Variants in DENND5B observed in about 807,000 individuals in gnomAD.
The protein encoded by DENND5B is DENN domain containing 5B.
A neutral mutation model predicts 140.6 loss-of-function variants in DENND5B; 34 were observed. The observed-to-expected ratio is 0.24, with a 90% confidence interval of 0.18 to 0.32. The LOEUF is 0.32. Ranked by LOEUF, DENND5B falls within the 10% of genes least tolerant of loss-of-function variation. DENND5B has a pLI of 1.00. For missense variants in DENND5B, 1,142 were observed against 1,560.2 expected, an observed-to-expected ratio of 0.73 and a Z score of 4.52; for synonymous variants, 551 against 562.1, an observed-to-expected ratio of 0.98 and a Z score of 0.28.
At chr12:31,454,853 C>CTGT (rs1944700729) in intron 4 of DENND5B, among the ~76,000 whole-genome samples, 1 of 120,198 alleles carries the variant, frequency 8.3e-6, no homozygotes, top group South Asian at 2.9e-4. Context: ...GAGTCTTGCT[C>CTGT]TGTTGCCCAG....
chr12:31,579,966 T>C (rs879639506), intron 1 of DENND5B, among the ~76,000 whole-genome samples: 3 of 144,218 alleles, frequency 2.1e-5, no homozygotes, highest in African/African-American at 7.5e-5. Flanking sequence ...CAGAAAAAAA[T>C]ATATATAAAA....
intron 2 of DENND5B, among the ~76,000 whole-genome samples, chr12:31,494,142 A>T (rs543665411): frequency 3.8e-5 from 3 of 78,922 alleles, no homozygotes; most frequent in Admixed American, 3.0e-4. Flanking sequence ...TCTATCTTCT[A>T]TCTATCTATC....
chr12:31,439,797 C>T (rs565469891), intron 7 of DENND5B, among the ~76,000 whole-genome samples: 16 of 151,796 alleles, frequency 1.1e-4, no homozygotes, highest in East Asian at 5.8e-4. Context: ...GGCGTAGTGG[C>T]GCATGCCTGT....
chr12:31,494,884 T>C (rs936755901), intron 2 of DENND5B, among the ~76,000 whole-genome samples: 3 of 152,228 alleles, frequency 2.0e-5, no homozygotes, highest in Non-Finnish European at 2.9e-5. Flanking sequence ...TGCTCGGGCC[T>C]GCTCCCACCC....
At chr12:31,407,162 G>A (rs1432669372) in intron 14 of DENND5B, among the ~76,000 whole-genome samples, 3 of 147,382 alleles carry the variant, frequency 2.0e-5, no homozygotes, top group African/African-American at 5.0e-5. Context: ...ACGGAGTCTC[G>A]CTCTGTCGCC....
intron 5 of DENND5B, among the ~76,000 whole-genome samples, chr12:31,449,808 C>A (rs1944433695): frequency 6.8e-6 from 1 of 147,974 alleles, no homozygotes; most frequent in Admixed American, 6.9e-5. Flanking sequence ...CAGCTCACTG[C>A]CAAGCTCCAC....
chr12:31,510,346 C>A (rs1229990411), intron 1 of DENND5B, among the ~76,000 whole-genome samples: 1 of 152,160 alleles, frequency 6.6e-6, no homozygotes, highest in Admixed American at 6.5e-5. Context: ...GATGGAGTCT[C>A]CCTCTGTCAC....
At chr12:31,402,936 C>T (rs545772038) in intron 14 of DENND5B, among the ~76,000 whole-genome samples, 1 of 151,854 alleles carries the variant, frequency 6.6e-6, no homozygotes, top group East Asian at 1.9e-4. Flanking sequence ...AGCATTAGCA[C>T]GAGAATACCT....
At chr12:31,442,544 A>C (rs1944082589) in intron 7 of DENND5B, among the ~76,000 whole-genome samples, 1 of 152,116 alleles carries the variant, frequency 6.6e-6, no homozygotes, top group Admixed American at 6.6e-5. Flanking sequence ...CTTTGCTTGA[A>C]AAAGAAAAAA....
chr12:31,501,026 A>C (rs1481745549), intron 1 of DENND5B, among the ~76,000 whole-genome samples: 1 of 152,210 alleles, frequency 6.6e-6, no homozygotes. Context: ...CATAGCCAAA[A>C]GGAGCCTAAG....
intron 1 of DENND5B, among the ~76,000 whole-genome samples, chr12:31,520,611 G>A (rs1307226814): frequency 3.3e-5 from 5 of 152,064 alleles, no homozygotes; most frequent in Non-Finnish European, 7.4e-5. Context: ...TGTGATCTCA[G>A]CTCACTGCAA....
intron 20 of DENND5B, 138 bp from the exon 21 acceptor site, chr12:31,387,924 G>A: frequency 6.2e-6 from 5 of 801,132 alleles, no homozygotes; most frequent in Admixed American, 6.6e-5. Flanking sequence ...TCAGGAGAGA[G>A]GAAATCAAAG....
intron 3 of DENND5B, among the ~76,000 whole-genome samples, chr12:31,478,579 T>C (rs1591877734): frequency 1.3e-5 from 2 of 152,046 alleles, no homozygotes; most frequent in South Asian, 4.2e-4. Context: ...CACATTCCTA[T>C]AGTACCAGCT....
At chr12:31,441,260 C>T (rs1944016467) in intron 7 of DENND5B, among the ~76,000 whole-genome samples, 1 of 152,106 alleles carries the variant, frequency 6.6e-6, no homozygotes, top group Admixed American at 6.5e-5. Flanking sequence ...AGGAGGATCA[C>T]GTGAGCCTGG....
chr12:31,522,340 TC>T (rs1243169729), intron 1 of DENND5B, among the ~76,000 whole-genome samples: 1 of 152,260 alleles, frequency 6.6e-6, no homozygotes. Flanking sequence ...TACTCTGCAG[TC>T]CTAAATTCAT....
chr12:31,483,133 T>C (rs1448496006), intron 2 of DENND5B, among the ~76,000 whole-genome samples: 2 of 152,206 alleles, frequency 1.3e-5, no homozygotes, highest in African/African-American at 2.4e-5. Flanking sequence ...GTGGCAGATA[T>C]AGCTCCAATA....
At chr12:31,563,394 C>G (rs1373852739) in intron 1 of DENND5B, among the ~76,000 whole-genome samples, 1 of 152,142 alleles carries the variant, frequency 6.6e-6, no homozygotes, top group Non-Finnish European at 1.5e-5. Flanking sequence ...AACTGCTAAC[C>G]TCCTTTGGGG....
chr12:31,504,023 C>T (rs1432566029), intron 1 of DENND5B, among the ~76,000 whole-genome samples: 5 of 152,140 alleles, frequency 3.3e-5, no homozygotes, highest in African/African-American at 1.2e-4. Context: ...TTTACATATT[C>T]AAATATTTCA....
chr12:31,531,584 A>G (rs1304618833), intron 1 of DENND5B, among the ~76,000 whole-genome samples: 1 of 152,198 alleles, frequency 6.6e-6, no homozygotes, highest in Admixed American at 6.5e-5. Flanking sequence ...ACTGACAGTA[A>G]GCACTATAGG....
Sources: allele counts gnomAD v4.1 joint callset (sites outside exome capture counted in the v4.1 genomes callset), GRCh38; gene constraint gnomAD v4.1.1; transcripts MANE v1.5; gene names NCBI Gene and HGNC (gene_info 2026-07-23, HGNC 2026-07-21).